APP: variants seen among roughly 807,000 people sequenced by gnomAD.
APP encodes the protein amyloid-beta precursor protein.
APP carries 31 observed loss-of-function variants against 101.4 expected under a neutral mutation model. That is an observed-to-expected ratio of 0.31 (90% confidence interval 0.23 to 0.41). APP has a LOEUF of 0.41. Among genes scored for constraint, APP ranks in the 10% least tolerant of loss-of-function variants. The pLI is 1.00. For missense variants in APP, 839 were observed against 1,003.7 expected (o/e 0.84, Z 2.22); for synonymous variants, 366 against 364.4 (o/e 1.00, Z -0.05).
chr21:25,945,811 C>G (rs1455883650), intron 13 of APP: 1 of 439,326 alleles, frequency 2.3e-6, no homozygotes, highest in African/African-American at 2.0e-5. Context: ...ACCACAGCCT[C>G]CTGAGTAGCT....
At chr21:26,146,775 T>G (rs1424325815) in intron 1 of APP, among the ~76,000 whole-genome samples, 3 of 152,252 alleles carry the variant, frequency 2.0e-5, no homozygotes, top group African/African-American at 7.2e-5. Context: ...GATGTTCATA[T>G]TTAGTATTTC....
Position 25,997,523 on chromosome 21 carries a change from C to T in APP, c.1034-107G>A, listed in dbSNP as rs2051503. Reference sequence around the variant, plus strand: ...AAAAAAACAACCTAACAAACAAAATCACTCACTTAGGTTTGGTCCCTCCAA... The same window carrying T: ...AAAAAAACAACCTAACAAACAAAATTACTCACTTAGGTTTGGTCCCTCCAA... On this transcript the variant is annotated intron_variant, in intron 7 of 17. Transcript: ENST00000346798. The T allele has an allele frequency of 0.022, 21,609 of 991,312 alleles. 1,463 individuals carry two copies. Among genetic ancestry groups the T allele is most frequent in the Admixed American group, 0.17 (9,013 of 53,812 alleles). The allele number at this position is 991,312 out of a possible 1,614,324, so 61.4% of individuals were successfully genotyped here.
At chr21:26,071,117 T>C (rs971933236) in intron 3 of APP, among the ~76,000 whole-genome samples, 7 of 152,176 alleles carry the variant, frequency 4.6e-5, no homozygotes, top group Non-Finnish European at 1.0e-4. Context: ...TGCAGCACAT[T>C]TGCGGATTCG....
intron 8 of APP, among the ~76,000 whole-genome samples, chr21:25,988,627 G>A (rs532377639): frequency 1.6e-4 from 24 of 149,742 alleles, no homozygotes; most frequent in Middle Eastern, 6.8e-3. Context: ...GCTTGAACCC[G>A]GGAGGCGGAA....
chr21:25,916,657 T>C (rs1266063969), intron 13 of APP, among the ~76,000 whole-genome samples: 1 of 152,214 alleles, frequency 6.6e-6, no homozygotes. Context: ...TGGCCTGCAA[T>C]GGGGATTTTC....
At chr21:26,168,801 A>G (rs745551627) in intron 1 of APP, among the ~76,000 whole-genome samples, 4 of 152,220 alleles carry the variant, frequency 2.6e-5, no homozygotes, top group Non-Finnish European at 5.9e-5. Flanking sequence ...TTTAACTCTT[A>G]AAACAACCTG....
chr21:25,881,751 T>C lies in APP; in HGVS notation c.2232A>G (p.Pro744=), dbSNP rs983578762. 2.5e-6 allele frequency: 4 copies of C among 1,613,716 alleles called. No homozygotes were observed. In the African/African-American group the frequency reaches 5.3e-5, roughly 22 times the overall value. Residue 744 remains proline, a synonymous_variant, in exon 18 of 18, where the codon CCA becomes CCG. Coordinates refer to ENST00000346798, the MANE Select transcript of APP (RefSeq NM_000484.4). Reference sequence around the variant, plus strand: ...GCATCTTGGACAGGTGGCGCTCCTCTGGGGTGACAGCGGCGTCAACCTGAA... The same window carrying C: ...GCATCTTGGACAGGTGGCGCTCCTCCGGGGTGACAGCGGCGTCAACCTGAA... The part of the protein sequence containing the change: ...GVVEVDAAVT[P]EERHLSKMQQ...
chr21:25,911,954 G>A lies in APP; in HGVS notation c.1696C>T (p.Leu566Phe), dbSNP rs1038162399. ...TCTGAATAGTTTTGCTCTTTCTGAA[G>A]CAGCTCATCTAAACCAAACAAAACC... ...EEIQDEVDEL[L>F]QKEQNYSDDV... Residue 566 changes from leucine to phenylalanine, a missense_variant, in exon 14 of 18, where the codon CTT (leucine) becomes TTT (phenylalanine). Coordinates refer to ENST00000346798, the MANE Select transcript of APP (RefSeq NM_000484.4). 11 of 1,613,844 alleles carry A rather than the reference G, an allele frequency of 6.8e-6. No homozygotes were observed. The highest frequency in any genetic ancestry group is 9.3e-6 in the Non-Finnish European group (11 of 1,179,740).
intron 6 of APP, among the ~76,000 whole-genome samples, chr21:26,010,213 C>CAAAAAA (rs74265002): frequency 6.2e-5 from 5 of 80,154 alleles, no homozygotes; most frequent in African/African-American, 2.1e-4. Flanking sequence ...TCCTTTTGAA[C>CAAAAAA]AAAAAAAAAA....
chr21:26,104,122 T>C (rs997080387), intron 2 of APP, among the ~76,000 whole-genome samples: 1 of 152,154 alleles, frequency 6.6e-6, no homozygotes, highest in African/African-American at 2.4e-5. Flanking sequence ...AGCTCTTTGG[T>C]ATCTTTTCTT....
intron 3 of APP, among the ~76,000 whole-genome samples, chr21:26,080,969 A>G (rs2061587489): frequency 6.6e-6 from 1 of 152,120 alleles, no homozygotes; most frequent in African/African-American, 2.4e-5. Context: ...GAAATCTACA[A>G]CAATATGTTA....
In APP at chr21:25,881,763, G is replaced by T; in HGVS notation, c.2220C>A (p.Ala740=). 1 of 1,613,406 alleles carries T rather than the reference G, an allele frequency of 6.2e-7. No individual in the cohort carries two copies. The change falls in exon 18 of 18, where the codon GCC becomes GCA. Residue 740 remains alanine (A), a synonymous_variant. Coordinates refer to ENST00000346798, the MANE Select transcript of APP (RefSeq NM_000484.4). ...SIHHGVVEVD[A]AVTPEERHLS... Reference sequence around the variant, plus strand: ...GGTGGCGCTCCTCTGGGGTGACAGCGGCGTCAACCTGAAAAACAAGAGGAG... The same window carrying T: ...GGTGGCGCTCCTCTGGGGTGACAGCTGCGTCAACCTGAAAAACAAGAGGAG...
intron 2 of APP, among the ~76,000 whole-genome samples, chr21:26,093,868 C>A (rs1023286177): frequency 1.4e-4 from 22 of 152,160 alleles, no homozygotes; most frequent in African/African-American, 5.3e-4. Flanking sequence ...GTAATCCCAG[C>A]ACTTTGGGAG....
chr21:25,983,453 G>A (rs1160290161), intron 8 of APP, among the ~76,000 whole-genome samples: 1 of 152,074 alleles, frequency 6.6e-6, no homozygotes, highest in Non-Finnish European at 1.5e-5. Context: ...TATTACATTT[G>A]GGATATAATA....
At chr21:25,939,542 G>A (rs910602334) in intron 13 of APP, among the ~76,000 whole-genome samples, 1 of 152,204 alleles carries the variant, frequency 6.6e-6, no homozygotes. Flanking sequence ...CAAAAAATAA[G>A]GGATGAGAAA....
intron 16 of APP, among the ~76,000 whole-genome samples, chr21:25,893,031 T>G (rs2037799871): frequency 6.6e-6 from 1 of 152,126 alleles, no homozygotes; most frequent in South Asian, 2.1e-4. Flanking sequence ...TGAACACAGG[T>G]TCACTTCATG....
chr21:25,935,438 G>T (rs2040319486), intron 13 of APP, among the ~76,000 whole-genome samples: 1 of 152,134 alleles, frequency 6.6e-6, no homozygotes, highest in African/African-American at 2.4e-5. Flanking sequence ...CTCAAGACAT[G>T]AGAAAATATA....
intron 13 of APP, among the ~76,000 whole-genome samples, chr21:25,940,772 T>C (rs1338499602): frequency 1.3e-5 from 2 of 152,226 alleles, no homozygotes; most frequent in Admixed American, 6.5e-5. Flanking sequence ...TTTTAATGAG[T>C]TGATTAGTCT....
intron 1 of APP, among the ~76,000 whole-genome samples, chr21:26,148,991 G>A (rs990777373): frequency 2.6e-5 from 4 of 152,170 alleles, no homozygotes; most frequent in Non-Finnish European, 4.4e-5. Flanking sequence ...CTTCACTTGG[G>A]ATTGAGAAAA....
Sources: allele counts gnomAD v4.1 joint callset (sites outside exome capture counted in the v4.1 genomes callset), GRCh38; gene constraint gnomAD v4.1.1; transcripts MANE v1.5; gene names NCBI Gene and HGNC (gene_info 2026-07-23, HGNC 2026-07-21).